The following UBE4B variants were observed in gnomAD, a reference collection of about 807,000 sequenced individuals.
UBE4B encodes the protein ubiquitination factor E4B, also known as ubiquitin conjugation factor E4 B.
In UBE4B, 27 loss-of-function variants were observed where a neutral mutation model predicts 148.1. That is an observed-to-expected ratio of 0.18 (90% CI 0.13 to 0.25). The LOEUF is 0.25. UBE4B is among the 10% of genes least tolerant of loss of function. UBE4B has a pLI of 1.00. For synonymous variants in UBE4B, 596 were observed against 619.3 expected, an observed-to-expected ratio of 0.96 and a Z score of 0.56; for missense variants, 1,170 against 1,662.4, an observed-to-expected ratio of 0.70 and a Z score of 5.15.
intron 17 of UBE4B, among the ~76,000 whole-genome samples, chr1:10,142,114 A>G (rs1645792592): frequency 6.6e-6 from 1 of 151,942 alleles, no homozygotes; most frequent in South Asian, 2.1e-4. Context: ...CCAGATCACC[A>G]GGGATCATGT....
chr1:10,038,173 A>AGGCTGAGGCAGGAGAATTGCTTGAACTCG (rs1643613766), intron 1 of UBE4B, among the ~76,000 whole-genome samples: 1 of 151,792 alleles, frequency 6.6e-6, no homozygotes, highest in African/African-American at 2.4e-5. Context: ...CGAGGTACTC[A>AGGCTGAGGCAGGAGAATTGCTTGAACTCG]GGAGGCTGAG....
chr1:10,153,512 AAAAAAAG>A (rs1342537943), intron 21 of UBE4B, among the ~76,000 whole-genome samples: 12 of 150,756 alleles, frequency 8.0e-5, no homozygotes, highest in Non-Finnish European at 1.6e-4. Context: ...AAAAAAAAAA[AAAAAAAG>A]GGTAAAAAGA....
chr1:10,090,228 A>AC (rs1045796877), intron 2 of UBE4B, among the ~76,000 whole-genome samples: 5 of 150,764 alleles, frequency 3.3e-5, no homozygotes, highest in African/African-American at 1.2e-4. Flanking sequence ...CAGGTGACCC[A>AC]CCCCCCTCAG....
In UBE4B at chr1:10,105,675, C is replaced by T; in HGVS notation, c.740C>T (p.Thr247Ile). The T allele has an allele frequency of 6.2e-7, 1 of 1,614,254 alleles. No homozygotes were observed. Among genetic ancestry groups the T allele is most frequent in the East Asian group, 2.2e-5 (1 of 44,894 alleles). The change falls in exon 6 of 28, where the codon ACT becomes ATT. Residue 247 changes from threonine to isoleucine, a missense_variant. Transcript: ENST00000343090. ...CCAGACAGAAATCTCTTGCTAAACA[C>T]TGGCTCCAATCCAGGAACAAGCCCC... ...RSPDRNLLLNTGSNPGTSPMF... is the reference protein window; with the variant it reads ...RSPDRNLLLNIGSNPGTSPMF...
chr1:10,069,560 A>G (rs1013196368), intron 1 of UBE4B, among the ~76,000 whole-genome samples: 1 of 152,120 alleles, frequency 6.6e-6, no homozygotes, highest in African/African-American at 2.4e-5. Flanking sequence ...TTTGAGACGG[A>G]GTCTCACTTC....
chr1:10,039,466 G>C (rs1317412130), intron 1 of UBE4B, among the ~76,000 whole-genome samples: 1 of 152,048 alleles, frequency 6.6e-6, no homozygotes, highest in Non-Finnish European at 1.5e-5. Flanking sequence ...ATCTCTCTCT[G>C]TTGCCCAGGC....
At chr1:10,165,927 A>G (rs1229994829) in intron 23 of UBE4B, among the ~76,000 whole-genome samples, 1 of 152,104 alleles carries the variant, frequency 6.6e-6, no homozygotes, top group South Asian at 2.1e-4. Context: ...TTTTTATTCT[A>G]TCTCCAGTGC....
At chr1:10,094,642 G>C (rs1246181962) in intron 2 of UBE4B, among the ~76,000 whole-genome samples, 3 of 151,750 alleles carry the variant, frequency 2.0e-5, no homozygotes, top group Non-Finnish European at 2.9e-5. Flanking sequence ...CACCATGTTA[G>C]CCAGGATGGT....
At chr1:10,169,494 C>T (rs1332241048) in intron 24 of UBE4B, among the ~76,000 whole-genome samples, 1 of 152,154 alleles carries the variant, frequency 6.6e-6, no homozygotes, top group African/African-American at 2.4e-5. Flanking sequence ...CCATGGAACA[C>T]GAAACAAAAC....
At chr1:10,055,049 G>A (rs1310107560) in intron 1 of UBE4B, among the ~76,000 whole-genome samples, 1 of 152,122 alleles carries the variant, frequency 6.6e-6, no homozygotes, top group Admixed American at 6.5e-5. Context: ...GCCTCCCAAA[G>A]TGCTGAGATT....
rs1265921754 is a variant in UBE4B, at chr1:10,130,700, TC to T, written c.1813-13del. 4 of 1,613,810 alleles carry T rather than the reference TC, an allele frequency of 2.5e-6. No individual in the cohort carries two copies. The highest frequency in any genetic ancestry group is 1.3e-5 in the African/African-American group (1 of 74,938). The stretch of plus-strand genomic sequence containing the variant: ...TGCATTATATGTTGACTGCATTTTT[TC>T]CTTCTCTTTCCAGGTTAAAGTGGTT... On this transcript the variant is annotated splice_polypyrimidine_tract_variant and intron_variant, in intron 13 of 27. Coordinates refer to ENST00000343090, the MANE Select transcript of UBE4B (RefSeq NM_001105562.3).
intron 25 of UBE4B, among the ~76,000 whole-genome samples, chr1:10,171,740 G>T (rs1039580094): frequency 2.6e-5 from 4 of 152,202 alleles, no homozygotes; most frequent in African/African-American, 9.6e-5. Context: ...AATTACCTCA[G>T]TGTGGTGGTG....
chr1:10,086,186 T>C (rs977447168), intron 2 of UBE4B, among the ~76,000 whole-genome samples: 2 of 152,138 alleles, frequency 1.3e-5, no homozygotes, highest in South Asian at 2.1e-4. Flanking sequence ...TTAGCCAGGA[T>C]GGTCTCGATC....
At position 10,181,052 on chromosome 1, in the gene UBE4B, T is replaced by C. The variant is rs893289286; in HGVS notation, c.*1096T>C. Reference sequence around the variant, plus strand: ...TATTACTGCTCCCTACTTAACATACTTGAATTCTCAAATTTCCTTTGGGGT... The same window carrying C: ...TATTACTGCTCCCTACTTAACATACCTGAATTCTCAAATTTCCTTTGGGGT... On this transcript the variant is annotated 3_prime_UTR_variant, in exon 28 of 28. Coordinates refer to ENST00000343090, the MANE Select transcript of UBE4B (RefSeq NM_001105562.3). 8.1e-5 allele frequency: 12 copies of C among 148,446 alleles called. No homozygotes were observed. Among genetic ancestry groups the C allele is most frequent in the African/African-American group, 3.1e-4 (12 of 39,040 alleles). The allele number at this position is 148,446 out of a possible 1,614,324, so 9.2% of individuals were successfully genotyped here.
chr1:10,073,920 A>ATTTTTTTTTTT (rs947131085), intron 2 of UBE4B, among the ~76,000 whole-genome samples: 1 of 74,852 alleles, frequency 1.3e-5, no homozygotes, highest in African/African-American at 5.6e-5. Context: ...CTTTCTTTCT[A>ATTTTTTTTTTT]TTTTTTTTTT....
Position 10,117,534 on chromosome 1 carries a change from A to G in UBE4B, c.1272A>G (p.Thr424=). The G allele has an allele frequency of 6.2e-7, 1 of 1,612,796 alleles. No homozygotes were observed. The highest frequency in any genetic ancestry group is 1.7e-5 in the Admixed American group (1 of 59,546). Residue 424 remains threonine, a synonymous_variant, in exon 8 of 28, where the codon ACA becomes ACG. Transcript: ENST00000343090. ...DHFTIETCKE[T]DMLNYLIECF... ...TCACCATTGAAACCTGCAAAGAGAC[A>G]GATATGCTGAACTACCTCATCGAGT...
intron 18 of UBE4B, among the ~76,000 whole-genome samples, chr1:10,146,324 C>T (rs528800224): frequency 1.3e-5 from 2 of 152,232 alleles, no homozygotes; most frequent in East Asian, 1.9e-4. Context: ...TGGTGGCACA[C>T]GACTGAAATC....
rs139088006 is a variant in UBE4B, at chr1:10,176,069, C to T, written c.3526-2575C>T. ...TTTTGGATTTACCTATTCACCTCTC[C>T]GGGATATTTCATATAAACGGACTTA... On this transcript the variant is annotated intron_variant, in intron 25 of 27. Coordinates refer to ENST00000343090, the MANE Select transcript of UBE4B (RefSeq NM_001105562.3). Among the ~76,000 whole-genome samples, 413 of 152,272 alleles carry T rather than the reference C, an allele frequency of 2.7e-3. 1 individual carries two copies. Among genetic ancestry groups the T allele is most frequent in the African/African-American group, 8.4e-3 (351 of 41,550 alleles).
Position 10,179,499 on chromosome 1 carries a change from C to T in UBE4B, c.3784C>T (p.Leu1262=). ...IMDRSIILRH[L]LNSPTDPFNR... is the part of the protein sequence containing the mutation. ...GGACCGCTCCATCATCCTGCGGCACCTGCTCAACTCCCCCACGGACCCCTT... is the reference window on the plus strand; with the variant it reads ...GGACCGCTCCATCATCCTGCGGCACTTGCTCAACTCCCCCACGGACCCCTT... Residue 1262 remains leucine (L), a synonymous_variant, in exon 27 of 28, where the codon CTG becomes TTG. Transcript: ENST00000343090. 6.2e-7 allele frequency: 1 copy of T among 1,614,096 alleles called. No homozygotes were observed.
Sources: gnomAD v4.1 joint callset for allele counts (sites outside exome capture counted in the v4.1 genomes callset) on GRCh38, gnomAD v4.1.1 for gene constraint, MANE v1.5 for transcripts, NCBI Gene and HGNC (gene_info 2026-07-23, HGNC 2026-07-21) for gene names.